The following TSHR variants were observed in gnomAD, a reference collection of about 807,000 sequenced individuals.
TSHR encodes the protein thyrotropin receptor.
In TSHR, 51 loss-of-function variants were observed where a neutral mutation model predicts 64.1. That is an observed-to-expected ratio of 0.80 (90% CI 0.64 to 1.01). The LOEUF (loss-of-function observed/expected upper bound fraction) is 1.01. Among genes scored for constraint, TSHR ranks in the 50% least tolerant of loss-of-function variants. The pLI, the probability that TSHR is intolerant of heterozygous loss-of-function variation, is 0.00. For missense variants in TSHR, 877 were observed against 942.8 expected (o/e 0.93, Z 0.91); for synonymous variants, 361 against 361.9 (o/e 1.00, Z 0.03).
At chr14:80,976,154 G>A (rs1282197440) in intron 1 of TSHR, among the ~76,000 whole-genome samples, 3 of 152,086 alleles carry the variant, frequency 2.0e-5, no homozygotes, top group Non-Finnish European at 4.4e-5. Context: ...CTCGTGATCC[G>A]CCCGCCTCGG....
At chr14:81,034,912 G>A (rs1048157258) in intron 1 of TSHR, among the ~76,000 whole-genome samples, 29 of 152,266 alleles carry the variant, frequency 1.9e-4, no homozygotes, top group African/African-American at 6.3e-4. Flanking sequence ...CAATTGTATA[G>A]TCAGATCTGA....
At chr14:81,100,918 C>T (rs1225969934) in intron 7 of TSHR, among the ~76,000 whole-genome samples, 1 of 152,204 alleles carries the variant, frequency 6.6e-6, no homozygotes, top group African/African-American at 2.4e-5. Flanking sequence ...TTTATTACAT[C>T]ACTGGCCATT....
chr14:81,043,397 T>C (rs1374775878), intron 1 of TSHR, among the ~76,000 whole-genome samples: 2 of 152,106 alleles, frequency 1.3e-5, no homozygotes, highest in African/African-American at 4.8e-5. Context: ...GTAAAGTCTC[T>C]ACAAGGAGAA....
At chr14:81,086,473 T>C (rs1288276880) in intron 3 of TSHR, among the ~76,000 whole-genome samples, 1 of 152,256 alleles carries the variant, frequency 6.6e-6, no homozygotes, top group Non-Finnish European at 1.5e-5. Context: ...AAGTCCCTGA[T>C]GTCTCTTCTA....
chr14:81,035,998 T>C (rs1884604883), intron 1 of TSHR, among the ~76,000 whole-genome samples: 2 of 152,172 alleles, frequency 1.3e-5, no homozygotes, highest in South Asian at 4.2e-4. Flanking sequence ...AGACAAAAAT[T>C]TGTGAACTTA....
intron 1 of TSHR, among the ~76,000 whole-genome samples, chr14:80,977,853 CA>C (rs1887956458): frequency 2.0e-5 from 3 of 152,146 alleles, no homozygotes; most frequent in African/African-American, 7.2e-5. Context: ...TAGATATAAA[CA>C]AAAGTATAAC....
At chr14:81,062,020 T>C in intron 1 of TSHR, 128 bp from the exon 2 acceptor site, 1 of 764,424 alleles carries the variant, frequency 1.3e-6, no homozygotes, top group South Asian at 1.7e-5. Context: ...TTATTTTTGT[T>C]GATTATGTAT....
At chr14:81,067,480 GTT>G (rs986685733) in intron 2 of TSHR, among the ~76,000 whole-genome samples, 1 of 30,720 alleles carries the variant, frequency 3.3e-5, no homozygotes, top group African/African-American at 1.6e-4. Context: ...GGAGTTTATA[GTT>G]TTATATATAT....
At chr14:81,088,908 T>C (rs943844237) in intron 4 of TSHR, among the ~76,000 whole-genome samples, 1 of 151,970 alleles carries the variant, frequency 6.6e-6, no homozygotes, top group Non-Finnish European at 1.5e-5. Flanking sequence ...AGAAAAGAAA[T>C]TTAGCTGGAT....
rs576596019 is a variant in TSHR at position 80,966,513 on chromosome 14, T to G, written c.170+10663T>G. ...GTATTGATCACCTATCATACACTAGTACTATTCTAGGCATTGATATATAAT... is the reference window on the plus strand; with the variant it reads ...GTATTGATCACCTATCATACACTAGGACTATTCTAGGCATTGATATATAAT... On this transcript the variant is annotated intron_variant, in intron 1 of 9. Coordinates refer to ENST00000298171, the MANE Select transcript of TSHR (RefSeq NM_000369.5). Among the ~76,000 whole-genome samples the G allele has an allele frequency of 2.0e-5, 3 of 152,156 alleles. No individual in the cohort carries two copies. The East Asian group carries it at 5.8e-4, about 29-fold the overall frequency.
chr14:81,006,851 T>C (rs1457440801), intron 1 of TSHR, among the ~76,000 whole-genome samples: 1 of 152,160 alleles, frequency 6.6e-6, no homozygotes, highest in Non-Finnish European at 1.5e-5. Flanking sequence ...GGGTTAGGAC[T>C]CCAATATATA....
intron 8 of TSHR, among the ~76,000 whole-genome samples, chr14:81,119,435 T>C (rs1209103019): frequency 7.0e-6 from 1 of 142,284 alleles, no homozygotes; most frequent in Non-Finnish European, 1.5e-5. Flanking sequence ...AAAATGTTCA[T>C]CATCACTGGC....
chr14:81,085,433 C>A (rs1210786669), intron 3 of TSHR, among the ~76,000 whole-genome samples: 1 of 152,090 alleles, frequency 6.6e-6, no homozygotes, highest in African/African-American at 2.4e-5. Flanking sequence ...CTTGTGGGGT[C>A]TCTCATTCAT....
At chr14:81,091,222 T>C (rs1888711738) in intron 5 of TSHR, 79 bp downstream of exon 5, 3 of 1,290,346 alleles carry the variant, frequency 2.3e-6, no homozygotes, top group Non-Finnish European at 3.3e-6. Context: ...TGAGGGTAGG[T>C]TGAAGATAAG....
chr14:80,984,619 A>G (rs2139728236), intron 1 of TSHR, among the ~76,000 whole-genome samples: 1 of 152,298 alleles, frequency 6.6e-6, no homozygotes, highest in African/African-American at 2.4e-5. Flanking sequence ...TTTTGAGGCG[A>G]CGGCCTTCAA....
chr14:81,085,614 C>G (rs935477938), intron 3 of TSHR, among the ~76,000 whole-genome samples: 1 of 152,142 alleles, frequency 6.6e-6, no homozygotes, highest in Non-Finnish European at 1.5e-5. Flanking sequence ...CCCTTTTATT[C>G]TCTACCTTTT....
At chr14:81,137,335 G>A (rs1416816619) in intron 8 of TSHR, among the ~76,000 whole-genome samples, 2 of 152,190 alleles carry the variant, frequency 1.3e-5, no homozygotes, top group African/African-American at 2.4e-5. Context: ...CATTAGGGCA[G>A]TTTTAAAAGA....
At chr14:81,071,954 G>A (rs531204682) in intron 3 of TSHR, among the ~76,000 whole-genome samples, 191 of 152,204 alleles carry the variant, frequency 1.3e-3, no homozygotes, top group Admixed American at 3.9e-3. Flanking sequence ...TTTAGGAAAT[G>A]TCATATGAGG....
rs942738391 is a variant in TSHR at position 81,022,137 on chromosome 14, G to T, written c.171-40011G>T. Among the ~76,000 whole-genome samples, 13 of 151,458 alleles carry T rather than the reference G, an allele frequency of 8.6e-5. 1 individual carries two copies. The highest frequency in any genetic ancestry group is 2.1e-4 in the South Asian group (1 of 4,798). ...AAAAAAAAAAAAGCCAGGCGTGGTG[G>T]TGGGTGCCTGTAGTCCCAGCTACTT... On this transcript the variant is annotated intron_variant, in intron 1 of 9. Transcript: ENST00000298171.
Sources: gnomAD v4.1 joint callset for allele counts (sites outside exome capture counted in the v4.1 genomes callset) on GRCh38, gnomAD v4.1.1 for gene constraint, MANE v1.5 for transcripts, NCBI Gene and HGNC (gene_info 2026-07-23, HGNC 2026-07-21) for gene names.